Variants in MYOM3 observed in about 807,000 individuals in gnomAD.
MYOM3 encodes myomesin-3.
Under a neutral mutation model 191.7 loss-of-function variants are expected in MYOM3, and 155 were observed. The ratio of observed to expected loss-of-function variants is 0.81; its 90% CI spans 0.71 to 0.92. MYOM3 has a LOEUF of 0.92. MYOM3 is among the 40% of genes least tolerant of loss of function. The pLI, the probability that MYOM3 is intolerant of heterozygous loss-of-function variation, is 0.00. For synonymous variants in MYOM3, 757 were observed against 762.9 expected (o/e 0.99, Z 0.13); for missense variants, 1,889 against 1,890.6 (o/e 1.00, Z 0.02).
chr1:24,067,874 A>AC, intron 27 of MYOM3, 96 bp downstream of exon 27: 2 of 1,208,032 alleles, frequency 1.7e-6, no homozygotes, highest in South Asian at 1.3e-5. Flanking sequence ...TCCCTTGGGG[A>AC]CCCAGCAGGG....
intron 8 of MYOM3, 40 bp downstream of exon 8, chr1:24,095,402 A>G (rs886859452): frequency 1.9e-6 from 3 of 1,592,858 alleles, no homozygotes; most frequent in Non-Finnish European, 2.6e-6. Context: ...CAAAGCCTGA[A>G]CAAAGAATCC....
At chr1:24,066,291 A>G in intron 28 of MYOM3, 1 of 710,948 alleles carries the variant, frequency 1.4e-6, no homozygotes, top group Non-Finnish European at 2.6e-6. Context: ...CGATTCATCA[A>G]TGTCCTGCCC....
intron 20 of MYOM3, among the ~76,000 whole-genome samples, chr1:24,079,167 A>G (rs938136190): frequency 2.6e-5 from 4 of 152,010 alleles, no homozygotes; most frequent in South Asian, 2.1e-4. Flanking sequence ...TATAGGATGG[A>G]TATCTTTTTG....
At chr1:24,096,136 C>T (rs12568789) in intron 7 of MYOM3, among the ~76,000 whole-genome samples, 20,941 of 152,130 alleles carry the variant, frequency 0.14, 1,769 homozygotes, top group African/African-American at 0.23. Context: ...CAGCCTGAAG[C>T]TATGACATGA....
At chr1:24,062,713 G>A (rs1200715865) in intron 32 of MYOM3, among the ~76,000 whole-genome samples, 1 of 152,074 alleles carries the variant, frequency 6.6e-6, no homozygotes, top group African/African-American at 2.4e-5. Flanking sequence ...GGCTGACCAA[G>A]TTTGCTAAGT....
chr1:24,109,260 G>T (rs1570892019), intron 1 of MYOM3, among the ~76,000 whole-genome samples: 1 of 152,310 alleles, frequency 6.6e-6, no homozygotes, highest in Middle Eastern at 3.4e-3. Context: ...TGTGATCCCA[G>T]CTCCTTATCC....
At position 24,076,155 on chromosome 1, in the gene MYOM3, CT is replaced by C. The variant is rs753762991; in HGVS notation, c.2701+3del. On this transcript the variant is annotated splice_donor_region_variant and intron_variant, in intron 21 of 36. Coordinates refer to ENST00000374434, the MANE Select transcript of MYOM3 (RefSeq NM_152372.4). ...AGAGCTCTGGCCTCTCCGGCCACCC[CT>C]ACCTGGCTTGTCCTCCAGGAGCACG... The C allele has an allele frequency of 3.7e-6, 6 of 1,612,814 alleles. No individual in the cohort carries two copies. In the East Asian group the frequency reaches 1.3e-4, roughly 36 times the overall value.
At position 24,108,529 on chromosome 1, in the gene MYOM3, C is replaced by G; in HGVS notation, c.108G>C (p.Arg36=). The G allele has an allele frequency of 6.3e-7, 1 of 1,580,442 alleles. No homozygotes were observed. Among genetic ancestry groups the G allele is most frequent in the Non-Finnish European group, 8.6e-7 (1 of 1,163,768 alleles). The change falls in exon 2 of 37, where the codon CGG becomes CGC. Residue 36 remains arginine (R), a synonymous_variant. Coordinates refer to ENST00000374434, the MANE Select transcript of MYOM3 (RefSeq NM_152372.4). Reference sequence around the variant, plus strand: ...AGGAGCCCATGCGCAGGCTGTGCTGCCGCTCCTCCTTCTGCTCCTCCTCCT... The same window carrying G: ...AGGAGCCCATGCGCAGGCTGTGCTGGCGCTCCTCCTTCTGCTCCTCCTCCT... ...HRQEEEQKEE[R]QHSLRMGSSV... is the part of the protein sequence containing the mutation.
chr1:24,095,823 G>A (rs1222052898), intron 7 of MYOM3, among the ~76,000 whole-genome samples: 2 of 152,070 alleles, frequency 1.3e-5, no homozygotes, highest in Non-Finnish European at 2.9e-5. Flanking sequence ...GGTCAAGCCC[G>A]CTCAGAGGCG....
rs200216323 is a variant in MYOM3, at chr1:24,057,359, C to T, written c.*5G>A. 1.5e-4 allele frequency: 244 copies of T among 1,611,074 alleles called. No homozygotes were observed. Among genetic ancestry groups the T allele is most frequent in the Non-Finnish European group, 1.9e-4 (226 of 1,178,828 alleles). On this transcript the variant is annotated 3_prime_UTR_variant, in exon 37 of 37. Transcript: ENST00000374434. ...TAGACTCAGACTGTGCCTGGACACA[C>T]GCTGTCACATGCTCTTCAGCTCCTT...
intron 36 of MYOM3, among the ~76,000 whole-genome samples, chr1:24,058,133 T>A (rs1377829594): frequency 6.6e-6 from 1 of 152,188 alleles, no homozygotes; most frequent in Non-Finnish European, 1.5e-5. Flanking sequence ...CAGGAATACT[T>A]ACCCATCAGA....
intron 29 of MYOM3, chr1:24,064,393 G>A: frequency 2.0e-6 from 1 of 509,746 alleles, no homozygotes; most frequent in Non-Finnish European, 3.5e-6. Flanking sequence ...GCCTGGGGAA[G>A]GGGTGGAGTA....
chr1:24,069,595 TTTTC>T lies in MYOM3; in HGVS notation c.3151-1232_3151-1229del, dbSNP rs149395314. ...TAACACATATTTTCTTCCTTTTTTC[TTTTC>T]TTTCTTTCTTTCTTTCTTTTTTTTT... On this transcript the variant is annotated intron_variant, in intron 25 of 36. Coordinates refer to ENST00000374434, the MANE Select transcript of MYOM3 (RefSeq NM_152372.4). Among the ~76,000 whole-genome samples, 90 of 142,100 alleles carry T rather than the reference TTTTC, an allele frequency of 6.3e-4. 1 individual carries two copies. Among genetic ancestry groups the T allele is most frequent in the African/African-American group, 1.9e-3 (75 of 38,844 alleles). The allele number at this position is 142,100 out of a possible 152,430, so 93.2% of individuals were successfully genotyped here.
chr1:24,070,195 C>A (rs4649173), intron 25 of MYOM3, among the ~76,000 whole-genome samples: 89,127 of 152,010 alleles, frequency 0.59, 26,298 homozygotes, highest in African/African-American at 0.65. Context: ...TGCTGCCCTG[C>A]TTTATAATGA....
chr1:24,078,502 T>G (rs1033942497), intron 20 of MYOM3, among the ~76,000 whole-genome samples: 2 of 152,206 alleles, frequency 1.3e-5, no homozygotes, highest in Non-Finnish European at 1.5e-5. Flanking sequence ...ATCTTATTCT[T>G]TGCCATTGTT....
chr1:24,075,192 A>G, intron 22 of MYOM3, 127 bp downstream of exon 22: 1 of 889,698 alleles, frequency 1.1e-6, no homozygotes, highest in Non-Finnish European at 1.8e-6. Flanking sequence ...TCAGTGAAAG[A>G]CTGAGCAGCG....
intron 25 of MYOM3, 32 bp downstream of exon 25, chr1:24,071,085 C>T: frequency 6.2e-7 from 1 of 1,604,868 alleles, no homozygotes; most frequent in Non-Finnish European, 8.5e-7. Context: ...GGCAGGGGAG[C>T]CTCACTTCAG....
chr1:24,058,174 C>T (rs531633528), intron 36 of MYOM3, among the ~76,000 whole-genome samples: 1 of 152,180 alleles, frequency 6.6e-6, no homozygotes, highest in Non-Finnish European at 1.5e-5. Context: ...TCGCAATTAT[C>T]GGTCCCAGAA....
At chr1:24,067,847 C>T (rs1643472629) in intron 27 of MYOM3, 123 bp downstream of exon 27, 2 of 904,288 alleles carry the variant, frequency 2.2e-6, no homozygotes, top group Non-Finnish European at 3.6e-6. Flanking sequence ...CAGAACTGGA[C>T]TGAATGACAG....
Sources: allele counts gnomAD v4.1 joint callset (sites outside exome capture counted in the v4.1 genomes callset), GRCh38; gene constraint gnomAD v4.1.1; transcripts MANE v1.5; gene names NCBI Gene and HGNC (gene_info 2026-07-23, HGNC 2026-07-21).